Variants in SLC7A6 observed in about 807,000 individuals in gnomAD.
SLC7A6 encodes solute carrier family 7 member 6, also known as Y+L amino acid transporter 2.
SLC7A6 carries 29 observed loss-of-function variants against 46.6 expected under a neutral mutation model. The ratio of observed to expected loss-of-function variants is 0.62; its 90% CI spans 0.46 to 0.85. The LOEUF (loss-of-function observed/expected upper bound fraction) is 0.85, where lower values mean the gene tolerates loss of function less well. Ranked by LOEUF, SLC7A6 falls within the 40% of genes least tolerant of loss-of-function variation. The pLI is 0.00. For synonymous variants in SLC7A6, 276 were observed against 257.3 expected (o/e 1.07, Z -0.70); for missense variants, 527 against 647.6 (o/e 0.81, Z 2.02).
At position 68,301,361 on chromosome 16, in the gene SLC7A6, T is replaced by A. The variant is rs1174015519; in HGVS notation, c.*4033T>A. 6.2e-7 allele frequency: 1 copy of A among 1,614,162 alleles called. No individual in the cohort carries two copies. The highest frequency in any genetic ancestry group is 8.5e-7 in the Non-Finnish European group (1 of 1,179,998). On this transcript the variant is annotated 3_prime_UTR_variant, in exon 11 of 11. Transcript: ENST00000219343. ...TACTTGCTCCACATCCGCTGTCTGC[T>A]GCTGCCTCTTTCCTCCTCACTCAGG...
At chr16:68,265,985 G>A (rs2042525289) in intron 1 of SLC7A6, among the ~76,000 whole-genome samples, 1 of 152,270 alleles carries the variant, frequency 6.6e-6, no homozygotes, top group South Asian at 2.1e-4. Flanking sequence ...TGCAGGCCGG[G>A]CGCGGTGGCT....
rs1034269980 is a variant in SLC7A6 at position 68,298,336 on chromosome 16, T to A, written c.*1008T>A. 4.5e-4 allele frequency: 68 copies of A among 152,608 alleles called. 1 individual carries two copies. Among genetic ancestry groups the A allele is most frequent in the African/African-American group, 1.6e-3 (65 of 41,438 alleles). The allele number at this position is 152,608 out of a possible 1,614,324, so 9.5% of individuals were successfully genotyped here. On this transcript the variant is annotated 3_prime_UTR_variant, in exon 11 of 11. Transcript: ENST00000219343. ...AGCTGTCAATGGCTTGGAGAACATC[T>A]CATGGGCCCAAGTCATCAAATAACC...
rs562422989 is a variant in SLC7A6, at chr16:68,301,780, TTC to T, written c.*4456_*4457del. 427 of 163,418 alleles carry T rather than the reference TTC, an allele frequency of 2.6e-3. 3 individuals are homozygous for T. The highest frequency in any genetic ancestry group is 9.9e-3 in the African/African-American group (415 of 41,892). 10.1% of individuals were successfully genotyped at this position (163,418 alleles called of 1,614,324 possible). On this transcript the variant is annotated 3_prime_UTR_variant, in exon 11 of 11. Transcript: ENST00000219343. ...AAGAATATGCAATTGTTTGATTCAT[TTC>T]TCTGTTATCAGACACCAATAAATTC...
intron 3 of SLC7A6, among the ~76,000 whole-genome samples, chr16:68,281,409 G>C (rs1401555550): frequency 6.6e-6 from 1 of 152,192 alleles, no homozygotes; most frequent in African/African-American, 2.4e-5. Flanking sequence ...TCGGGGTGCT[G>C]CTGAACATAC....
At chr16:68,297,168 C>A in intron 10 of SLC7A6, 66 bp from the exon 11 acceptor site, 1 of 1,478,570 alleles carries the variant, frequency 6.8e-7, no homozygotes, top group Admixed American at 1.8e-5. Flanking sequence ...TACTAGTCAG[C>A]CTTGTTCAGG....
At chr16:68,269,131 A>G (rs1304711224) in intron 2 of SLC7A6, among the ~76,000 whole-genome samples, 1 of 151,998 alleles carries the variant, frequency 6.6e-6, no homozygotes, top group African/African-American at 2.4e-5. Context: ...TTTTCATCTC[A>G]CTGCTAAAGT....
intron 3 of SLC7A6, chr16:68,284,742 GTC>G (rs2042892376): frequency 1.8e-6 from 1 of 571,044 alleles, no homozygotes; most frequent in Non-Finnish European, 2.2e-6. Context: ...TTGTCAGACA[GTC>G]TCTTTCTCCA....
intron 3 of SLC7A6, among the ~76,000 whole-genome samples, chr16:68,275,861 G>A (rs969051879): frequency 6.6e-6 from 1 of 151,914 alleles, no homozygotes; most frequent in African/African-American, 2.4e-5. Flanking sequence ...TGTCTTGACA[G>A]CTGTTTCGAT....
At position 68,299,702 on chromosome 16, in the gene SLC7A6, T is replaced by A. The variant is rs977970117; in HGVS notation, c.*2374T>A. ...TTGTTTTTTTCACCCGGTTGCTGTATGAGAATGGCTTTCAATCCTTTGTTT... is the reference window on the plus strand; with the variant it reads ...TTGTTTTTTTCACCCGGTTGCTGTAAGAGAATGGCTTTCAATCCTTTGTTT... On this transcript the variant is annotated 3_prime_UTR_variant, in exon 11 of 11. Coordinates refer to ENST00000219343, the MANE Select transcript of SLC7A6 (RefSeq NM_003983.6). 1.3e-5 allele frequency: 2 copies of A among 152,184 alleles called. No homozygotes were observed. The highest frequency in any genetic ancestry group is 2.9e-5 in the Non-Finnish European group (2 of 68,038). The allele number at this position is 152,184 out of a possible 1,614,324, so 9.4% of individuals were successfully genotyped here. A position where few individuals can be genotyped will look rare whatever the true frequency, so the allele number is the denominator to read the frequency against.
At chr16:68,290,166 G>A (rs905181027) in intron 4 of SLC7A6, 6 of 510,822 alleles carry the variant, frequency 1.2e-5, no homozygotes, top group Non-Finnish European at 1.7e-5. Context: ...GTGGTAAAGT[G>A]TAGGGAGCTA....
intron 1 of SLC7A6, among the ~76,000 whole-genome samples, chr16:68,266,326 C>T (rs2042533970): frequency 6.6e-6 from 1 of 152,104 alleles, no homozygotes; most frequent in Non-Finnish European, 1.5e-5. Context: ...GCTGCCTAGA[C>T]TTACATGATT....
At chr16:68,266,869 TTTA>T (rs1281917355) in intron 2 of SLC7A6, 148 bp downstream of exon 2, 2 of 152,100 alleles carry the variant, frequency 1.3e-5, no homozygotes, top group Non-Finnish European at 2.9e-5. Context: ...AACACTGTAA[TTTA>T]TTATAAAAAT....
chr16:68,287,791 G>A lies in SLC7A6; in HGVS notation c.569G>A (p.Arg190His), dbSNP rs574384727. Residue 190 changes from arginine to histidine, a missense_variant, in exon 4 of 11, where the codon CGT becomes CAT. Coordinates refer to ENST00000219343, the MANE Select transcript of SLC7A6 (RefSeq NM_003983.6). ...TGTGCCTATGTCAAGTGGGGCACAC[G>A]TGTGCAGGACACGTTCACTTACGCC... ...VNCAYVKWGT[R>H]VQDTFTYAKV... 174 of 1,614,208 alleles carry A rather than the reference G, an allele frequency of 1.1e-4. No individual in the cohort carries two copies. In the South Asian group the frequency reaches 1.2e-3, roughly 11 times the overall value.
At chr16:68,274,359 G>C (rs962706292) in intron 2 of SLC7A6, among the ~76,000 whole-genome samples, 30 of 152,294 alleles carry the variant, frequency 2.0e-4, no homozygotes, top group Admixed American at 3.3e-4. Flanking sequence ...GTTTTAAGCT[G>C]GTGAGAACAG....
At chr16:68,271,272 C>T (rs887867155) in intron 2 of SLC7A6, among the ~76,000 whole-genome samples, 1 of 152,128 alleles carries the variant, frequency 6.6e-6, no homozygotes, top group Non-Finnish European at 1.5e-5. Context: ...GGATTATAGG[C>T]GTGAGTCATC....
At chr16:68,287,678 G>A in intron 3 of SLC7A6, 68 bp from the exon 4 acceptor site, 5 of 1,580,814 alleles carry the variant, frequency 3.2e-6, no homozygotes, top group Non-Finnish European at 2.6e-6. Context: ...AGTGCTCTCT[G>A]TAAAGAGGGG....
intron 3 of SLC7A6, among the ~76,000 whole-genome samples, chr16:68,287,152 A>AT (rs745724731): frequency 1.3e-5 from 2 of 151,558 alleles, no homozygotes; most frequent in East Asian, 1.9e-4. Context: ...TAATTTTTGT[A>AT]TTTTTTGTAG....
At chr16:68,291,841 A>C (rs1872473729) in intron 7 of SLC7A6, 180 bp downstream of exon 7, 2 of 562,892 alleles carry the variant, frequency 3.6e-6, no homozygotes, top group Admixed American at 6.5e-5. Flanking sequence ...CAAGTAGCAC[A>C]TTTGTATGCT....
rs1405935489 is a variant in SLC7A6 at position 68,297,099 on chromosome 16, CAG to C, written c.1454-134_1454-133del. Reference sequence around the variant, plus strand: ...GAGGATGATGAGGCTTGTTGGGAGACAGGGGCAAAGCCTGATATAGGGTACTT... The same window carrying C: ...GAGGATGATGAGGCTTGTTGGGAGACGGGCAAAGCCTGATATAGGGTACTT... On this transcript the variant is annotated intron_variant, in intron 10 of 10. Coordinates refer to ENST00000219343, the MANE Select transcript of SLC7A6 (RefSeq NM_003983.6). 7.5e-6 allele frequency: 6 copies of C among 796,962 alleles called. No individual in the cohort carries two copies. In the Admixed American group the frequency reaches 8.6e-5, roughly 11 times the overall value. The allele number at this position is 796,962 out of a possible 1,614,324, so 49.4% of individuals were successfully genotyped here. A position where few individuals can be genotyped will look rare whatever the true frequency, so the allele number is the denominator to read the frequency against.
Sources: gnomAD v4.1 joint callset for allele counts (sites outside exome capture counted in the v4.1 genomes callset) on GRCh38, gnomAD v4.1.1 for gene constraint, MANE v1.5 for transcripts, NCBI Gene and HGNC (gene_info 2026-07-23, HGNC 2026-07-21) for gene names.